ADAM9: variants seen among roughly 807,000 people sequenced by gnomAD.
ADAM9 encodes the protein ADAM metallopeptidase domain 9.
ADAM9 carries 54 observed loss-of-function variants against 108.1 expected under a neutral mutation model. The ratio of observed to expected loss-of-function variants is 0.50; its 90% CI spans 0.40 to 0.63. The LOEUF is 0.63. ADAM9 is among the 20% of genes least tolerant of loss of function. The pLI is 0.00. For missense variants in ADAM9, 830 were observed against 997.7 expected (o/e 0.83, Z 2.26); for synonymous variants, 316 against 336.0 (o/e 0.94, Z 0.65).
intron 18 of ADAM9, among the ~76,000 whole-genome samples, chr8:39,089,176 G>A (rs1839271437): frequency 6.6e-6 from 1 of 152,182 alleles, no homozygotes; most frequent in Non-Finnish European, 1.5e-5. Context: ...TTGAACCCAG[G>A]AGGCAGAGGT....
intron 12 of ADAM9, among the ~76,000 whole-genome samples, chr8:39,054,216 A>G (rs1838042823): frequency 6.6e-6 from 1 of 152,194 alleles, no homozygotes; most frequent in Admixed American, 6.6e-5. Context: ...CTGCAGTTTA[A>G]ACCTGTGGTA....
At chr8:39,052,523 A>C (rs961446405) in intron 12 of ADAM9, among the ~76,000 whole-genome samples, 3 of 152,068 alleles carry the variant, frequency 2.0e-5, no homozygotes, top group Non-Finnish European at 4.4e-5. Context: ...CCTGGTTTTT[A>C]GTATTCCTAT....
intron 20 of ADAM9, among the ~76,000 whole-genome samples, chr8:39,097,186 C>T (rs1229932618): frequency 5.9e-5 from 9 of 152,148 alleles, no homozygotes. Context: ...CTGGTAGCCT[C>T]TCAAATCTTT....
At chr8:39,013,003 C>T (rs1009868604) in intron 3 of ADAM9, among the ~76,000 whole-genome samples, 3 of 152,026 alleles carry the variant, frequency 2.0e-5, no homozygotes, top group Non-Finnish European at 4.4e-5. Context: ...GAGTTTTGAA[C>T]TTGAAAGGGC....
intron 14 of ADAM9, among the ~76,000 whole-genome samples, chr8:39,069,532 G>T (rs980804467): frequency 2.0e-5 from 3 of 152,100 alleles, no homozygotes; most frequent in Non-Finnish European, 4.4e-5. Context: ...CATAAGAGAA[G>T]GTATTGACGC....
At chr8:39,098,852 A>AT (rs1436572747) in intron 20 of ADAM9, among the ~76,000 whole-genome samples, 2 of 152,086 alleles carry the variant, frequency 1.3e-5, no homozygotes, top group Non-Finnish European at 2.9e-5. Flanking sequence ...AAATAAATAT[A>AT]TTTGAATCCT....
chr8:39,040,363 A>AT (rs1311515455), intron 11 of ADAM9, among the ~76,000 whole-genome samples: 1 of 151,990 alleles, frequency 6.6e-6, no homozygotes, highest in Non-Finnish European at 1.5e-5. Context: ...TCTCTTTTTG[A>AT]TGGTAGTCAT....
chr8:39,032,392 C>T (rs772751487), intron 11 of ADAM9, among the ~76,000 whole-genome samples: 2 of 152,272 alleles, frequency 1.3e-5, no homozygotes, highest in Non-Finnish European at 2.9e-5. Flanking sequence ...ACGCCCCTCC[C>T]CCTGCCAGGC....
intron 11 of ADAM9, among the ~76,000 whole-genome samples, chr8:39,030,585 G>A (rs1837065998): frequency 6.6e-6 from 1 of 152,224 alleles, no homozygotes; most frequent in Non-Finnish European, 1.5e-5. Context: ...GTGTGATCAT[G>A]TTTTCAGCTC....
intron 20 of ADAM9, 96 bp downstream of exon 20, chr8:39,091,442 T>TAG: frequency 9.0e-7 from 1 of 1,112,778 alleles, no homozygotes; most frequent in Non-Finnish European, 1.3e-6. Context: ...GCTAGAAACA[T>TAG]AGATACCTTC....
At position 39,003,082 on chromosome 8, in the gene ADAM9, G is replaced by T. The variant is rs140929934; in HGVS notation, c.98-4804G>T. Among the ~76,000 whole-genome samples, 1,414 of 152,286 alleles carry T rather than the reference G, an allele frequency of 9.3e-3. 12 individuals are homozygous for T. The highest frequency in any genetic ancestry group is 0.054 in the Middle Eastern group (16 of 294). ...GTAGAGGCAGGGTTTCACCATGTTG[G>T]CCAGGCTGGTCTCAGACTCTTGATA... On this transcript the variant is annotated intron_variant, in intron 1 of 21. Transcript: ENST00000487273.
chr8:39,013,944 G>C (rs763041780), intron 3 of ADAM9, 21 bp from the exon 4 acceptor site: 1 of 1,567,098 alleles, frequency 6.4e-7, no homozygotes, highest in Admixed American at 1.7e-5. Flanking sequence ...ATATATAAAC[G>C]GTGTTTTATT....
chr8:39,018,284 CTTT>C (rs900855552), intron 6 of ADAM9, among the ~76,000 whole-genome samples: 20 of 152,244 alleles, frequency 1.3e-4, no homozygotes, highest in African/African-American at 4.3e-4. Context: ...TTGGGCTATT[CTTT>C]TTAACTTTAA....
At chr8:39,099,681 G>T (rs998691860) in intron 20 of ADAM9, among the ~76,000 whole-genome samples, 2 of 152,050 alleles carry the variant, frequency 1.3e-5, no homozygotes, top group East Asian at 1.9e-4. Context: ...ATTAATTTTA[G>T]TTTTAATTGG....
chr8:39,004,596 A>C (rs1325360114), intron 1 of ADAM9, among the ~76,000 whole-genome samples: 1 of 152,240 alleles, frequency 6.6e-6, no homozygotes, highest in African/African-American at 2.4e-5. Flanking sequence ...TAAGAAAGTA[A>C]AGGAATAAAA....
At chr8:39,010,039 G>C (rs1290208171) in intron 2 of ADAM9, among the ~76,000 whole-genome samples, 1 of 148,996 alleles carries the variant, frequency 6.7e-6, no homozygotes, top group African/African-American at 2.5e-5. Context: ...AAGCAAGAAG[G>C]GGGATAGGGA....
intron 11 of ADAM9, among the ~76,000 whole-genome samples, chr8:39,035,946 A>C (rs889779648): frequency 3.3e-5 from 5 of 152,002 alleles, no homozygotes; most frequent in Non-Finnish European, 7.4e-5. Flanking sequence ...GCTGATATTA[A>C]ACTTTCTTTT....
chr8:38,999,232 G>T (rs1442802480), intron 1 of ADAM9, among the ~76,000 whole-genome samples: 1 of 152,082 alleles, frequency 6.6e-6, no homozygotes, highest in Non-Finnish European at 1.5e-5. Flanking sequence ...GTTACATTAG[G>T]AGTTAATTAG....
intron 4 of ADAM9, 178 bp from the exon 5 acceptor site, chr8:39,015,940 A>G: frequency 1.6e-6 from 1 of 622,046 alleles, no homozygotes; most frequent in South Asian, 1.9e-5. Flanking sequence ...GTGGTAGGAG[A>G]TAGTCCGCAG....
Sources: gnomAD v4.1 joint callset for allele counts (sites outside exome capture counted in the v4.1 genomes callset) on GRCh38, gnomAD v4.1.1 for gene constraint, MANE v1.5 for transcripts, NCBI Gene and HGNC (gene_info 2026-07-23, HGNC 2026-07-21) for gene names.